PLB1: variants seen among roughly 807,000 people sequenced by gnomAD.
The protein encoded by PLB1 is phospholipase B1, membrane-associated.
A neutral mutation model predicts 227.4 loss-of-function variants in PLB1; 242 were observed. That is an observed-to-expected ratio of 1.06 (90% CI 0.96 to 1.18). PLB1 has a LOEUF of 1.18. Ranked by LOEUF, PLB1 falls within the 50% of genes most tolerant of loss-of-function variation. The probability of loss-of-function intolerance (pLI) is 0.00; values close to 1 mark genes in which losing one functional copy is unlikely to be tolerated. For synonymous variants in PLB1, 757 were observed against 682.2 expected (o/e 1.11, Z -1.71); for missense variants, 1,858 against 1,816.3 (o/e 1.02, Z -0.42).
intron 44 of PLB1, among the ~76,000 whole-genome samples, chr2:28,616,831 GCT>G (rs1374309373): frequency 5.3e-5 from 8 of 152,102 alleles, no homozygotes; most frequent in African/African-American, 1.9e-4. Flanking sequence ...TTCCATTTTT[GCT>G]CTCTCATGAT....
intron 12 of PLB1, 111 bp downstream of exon 12, chr2:28,540,552 C>T: frequency 1.2e-6 from 1 of 846,868 alleles, no homozygotes; most frequent in East Asian, 2.7e-5. Flanking sequence ...TAGGACTTCT[C>T]CAGCTGAATT....
intron 57 of PLB1, among the ~76,000 whole-genome samples, chr2:28,641,968 A>C (rs561386938): frequency 2.3e-4 from 35 of 152,114 alleles, no homozygotes; most frequent in African/African-American, 8.4e-4. Flanking sequence ...TGGCCGGTGG[A>C]TCCATCTCCC....
At chr2:28,636,029 A>G (rs200862847) in intron 56 of PLB1, among the ~76,000 whole-genome samples, 875 of 81,336 alleles carry the variant, frequency 0.011, 11 homozygotes, top group African/African-American at 0.032. Flanking sequence ...ATGTGTGTGT[A>G]TGTGTGTGTG....
At chr2:28,605,721 C>T (rs545618224) in intron 41 of PLB1, 132 bp from the exon 42 acceptor site, 34 of 689,914 alleles carry the variant, frequency 4.9e-5, no homozygotes, top group Admixed American at 1.1e-4. Context: ...TGAATGGGCC[C>T]TGTGGTGGCT....
intron 9 of PLB1, among the ~76,000 whole-genome samples, chr2:28,535,694 G>A (rs1189223444): frequency 1.3e-5 from 2 of 152,230 alleles, no homozygotes; most frequent in African/African-American, 2.4e-5. Flanking sequence ...GCCAAGGCAG[G>A]TGGATCACTT....
chr2:28,606,396 C>A (rs1456821557), intron 42 of PLB1, 100 bp from the exon 43 acceptor site: 5 of 1,211,328 alleles, frequency 4.1e-6, no homozygotes, highest in African/African-American at 3.0e-5. Context: ...CCCCTGAAAT[C>A]GAGTTCTGAG....
chr2:28,581,968 GAAAA>G (rs5830085), intron 23 of PLB1, 96 bp from the exon 24 acceptor site: 2 of 991,342 alleles, frequency 2.0e-6, no homozygotes, highest in South Asian at 1.6e-5. Context: ...CTCAAAAAAA[GAAAA>G]AAAAAAAAGA....
At chr2:28,618,504 G>A (rs996774399) in intron 46 of PLB1, 105 bp downstream of exon 46, 35 of 1,195,084 alleles carry the variant, frequency 2.9e-5, no homozygotes, top group African/African-American at 2.5e-4. Flanking sequence ...TGCTGAGCCC[G>A]TGTTACTGAG....
intron 32 of PLB1, 65 bp from the exon 33 acceptor site, chr2:28,593,616 G>A (rs929635841): frequency 7.2e-7 from 1 of 1,383,806 alleles, no homozygotes; most frequent in African/African-American, 1.4e-5. Flanking sequence ...GAAGCCCTGT[G>A]CATTCACAGC....
rs891979969 is a variant in PLB1 at position 28,549,047 on chromosome 2, C to T, written c.1008+116C>T. The stretch of plus-strand genomic sequence containing the variant: ...CTGAGATGTGAATCCTGTTTCTGTT[C>T]TTCTGGGCCTGCACACAGTTTTGCA... On this transcript the variant is annotated intron_variant, in intron 15 of 57. Transcript: ENST00000327757. The T allele has an allele frequency of 7.0e-6, 6 of 857,794 alleles. No individual in the cohort carries two copies. In the East Asian group the frequency reaches 1.3e-4, roughly 19 times the overall value. 53.1% of individuals were successfully genotyped at this position (857,794 alleles called of 1,614,324 possible). A position where few individuals can be genotyped will look rare whatever the true frequency, so the allele number is the denominator to read the frequency against.
At chr2:28,596,877 A>C (rs1381921158) in intron 33 of PLB1, among the ~76,000 whole-genome samples, 1 of 152,244 alleles carries the variant, frequency 6.6e-6, no homozygotes, top group East Asian at 1.9e-4. Context: ...ACTTCATTCC[A>C]AGCATTCCTT....
At chr2:28,592,384 C>G (rs1558857913) in intron 31 of PLB1, among the ~76,000 whole-genome samples, 4 of 150,724 alleles carry the variant, frequency 2.7e-5, no homozygotes, top group Admixed American at 2.6e-4. Flanking sequence ...TCCCTTCTTC[C>G]TTCCCTCCAT....
intron 20 of PLB1, among the ~76,000 whole-genome samples, chr2:28,570,415 C>A (rs1393754848): frequency 6.6e-6 from 1 of 152,084 alleles, no homozygotes; most frequent in Non-Finnish European, 1.5e-5. Context: ...GATAAAAGAC[C>A]AAAACCACAC....
At chr2:28,614,973 G>C (rs1336228287) in intron 44 of PLB1, among the ~76,000 whole-genome samples, 1 of 152,134 alleles carries the variant, frequency 6.6e-6, no homozygotes, top group East Asian at 1.9e-4. Flanking sequence ...GGCTAGGCAT[G>C]GTCATTTCAG....
At chr2:28,598,616 C>G (rs1357512945) in intron 34 of PLB1, 36 bp from the exon 35 acceptor site, 1 of 1,537,648 alleles carries the variant, frequency 6.5e-7, no homozygotes. Context: ...GCTTTCTGTT[C>G]TGAGCCGTCT....
chr2:28,618,739 C>A (rs1686558815), intron 46 of PLB1, among the ~76,000 whole-genome samples: 1 of 152,218 alleles, frequency 6.6e-6, no homozygotes, highest in Admixed American at 6.5e-5. Flanking sequence ...TCCATCTACC[C>A]AGACTCAGAG....
intron 9 of PLB1, among the ~76,000 whole-genome samples, chr2:28,536,600 TAGAA>T (rs995807848): frequency 6.6e-6 from 1 of 152,144 alleles, no homozygotes; most frequent in Non-Finnish European, 1.5e-5. Flanking sequence ...AATAATTTAT[TAGAA>T]AGAGTTAAGT....
intron 35 of PLB1, among the ~76,000 whole-genome samples, chr2:28,599,311 C>T (rs976018746): frequency 1.3e-5 from 2 of 152,262 alleles, no homozygotes; most frequent in African/African-American, 4.8e-5. Context: ...CCACCCTGCT[C>T]CTAGAGGCCC....
At chr2:28,581,564 CCT>C (rs113438109) in intron 23 of PLB1, among the ~76,000 whole-genome samples, 56,719 of 147,024 alleles carry the variant, frequency 0.39, 11,940 homozygotes, top group African/African-American at 0.52. Flanking sequence ...TAGGCATTTC[CCT>C]GAGGGCCACA....
Sources: allele counts gnomAD v4.1 joint callset (sites outside exome capture counted in the v4.1 genomes callset), GRCh38; gene constraint gnomAD v4.1.1; transcripts MANE v1.5; gene names NCBI Gene and HGNC (gene_info 2026-07-23, HGNC 2026-07-21).